PRKAR1B: variants seen among roughly 807,000 people sequenced by gnomAD.
PRKAR1B encodes protein kinase cAMP-dependent type I regulatory subunit beta, also known as cAMP-dependent protein kinase type I-beta regulatory subunit.
A neutral mutation model predicts 46.5 loss-of-function variants in PRKAR1B; 22 were observed. The ratio of observed to expected loss-of-function variants is 0.47; its 90% confidence interval spans 0.34 to 0.68. The LOEUF is 0.68. PRKAR1B is among the 30% of genes least tolerant of loss of function. The pLI is 0.01. For synonymous variants in PRKAR1B, 259 were observed against 217.7 expected, an observed-to-expected ratio of 1.19 and a Z score of -1.67; for missense variants, 445 against 535.6, an observed-to-expected ratio of 0.83 and a Z score of 1.67.
chr7:624,854 A>T (rs999746073), intron 4 of PRKAR1B, among the ~76,000 whole-genome samples: 2 of 152,232 alleles, frequency 1.3e-5, no homozygotes, highest in African/African-American at 4.8e-5. Context: ...ATACACAGGA[A>T]ATAAAAAAAG....
intron 4 of PRKAR1B, among the ~76,000 whole-genome samples, chr7:626,480 G>C (rs1783409825): frequency 6.6e-6 from 1 of 152,164 alleles, no homozygotes; most frequent in African/African-American, 2.4e-5. Flanking sequence ...GGATGACAGA[G>C]ACAGACCTTG....
At position 666,206 on chromosome 7, in the gene PRKAR1B, A is replaced by G. The variant is rs78682005; in HGVS notation, c.440+11023T>C. ...GATAGAACCCAAGGGCCTCCACCTC[A>G]CTCCCCAAGGCCTGGGACACACGCT... On this transcript the variant is annotated intron_variant, in intron 4 of 10. Transcript: ENST00000537384. The surrounding 1 kb of genome is among the most constrained non-coding windows in gnomAD (Gnocchi z 4.9). Among the ~76,000 whole-genome samples the G allele has an allele frequency of 0.093, 14,026 of 151,526 alleles. 1,800 individuals carry two copies. The highest frequency in any genetic ancestry group is 0.29 in the African/African-American group (11,816 of 41,066).
intron 2 of PRKAR1B, among the ~76,000 whole-genome samples, chr7:686,295 T>C (rs1247583984): frequency 6.7e-6 from 1 of 150,356 alleles, no homozygotes; most frequent in Non-Finnish European, 1.5e-5. Flanking sequence ...AGCGAGATTA[T>C]GTCTCAGAAA....
intron 2 of PRKAR1B, among the ~76,000 whole-genome samples, chr7:700,093 T>C (rs1037532902): frequency 1.3e-5 from 2 of 151,284 alleles, no homozygotes; most frequent in Non-Finnish European, 2.9e-5. Flanking sequence ...AAAATGGGGG[T>C]CCCCGAATTC....
chr7:703,529 G>A (rs770463141), intron 2 of PRKAR1B, among the ~76,000 whole-genome samples: 7 of 151,974 alleles, frequency 4.6e-5, no homozygotes, highest in South Asian at 2.1e-4. Context: ...GGTGGCAGAC[G>A]CCTGTAGTCC....
chr7:612,827 G>A (rs1371612139), intron 4 of PRKAR1B, among the ~76,000 whole-genome samples: 4 of 152,076 alleles, frequency 2.6e-5, no homozygotes. Context: ...GCCAGCAACA[G>A]AGGCTTTATT....
chr7:684,123 C>T (rs142482424), intron 2 of PRKAR1B, among the ~76,000 whole-genome samples: 8 of 150,770 alleles, frequency 5.3e-5, no homozygotes, highest in African/African-American at 1.2e-4. Flanking sequence ...CCCACCTCTA[C>T]GTGTGTGCTG....
chr7:647,063 G>A (rs1784652999), intron 4 of PRKAR1B, among the ~76,000 whole-genome samples: 1 of 152,176 alleles, frequency 6.6e-6, no homozygotes, highest in Non-Finnish European at 1.5e-5. Flanking sequence ...AAGGGGCATG[G>A]GACGCAACAT....
chr7:562,409 GC>G (rs1778859600), intron 9 of PRKAR1B, among the ~76,000 whole-genome samples: 1 of 152,130 alleles, frequency 6.6e-6, no homozygotes, highest in South Asian at 2.1e-4. Flanking sequence ...CTCCTCGTCT[GC>G]CCCCATTAGG....
At chr7:659,741 T>A (rs940982777) in intron 4 of PRKAR1B, among the ~76,000 whole-genome samples, 2 of 151,840 alleles carry the variant, frequency 1.3e-5, no homozygotes, top group Non-Finnish European at 2.9e-5. Flanking sequence ...TGAGACGGAG[T>A]CTCGCTCTGT....
At chr7:688,910 T>A (rs1779255219) in intron 2 of PRKAR1B, among the ~76,000 whole-genome samples, 2 of 152,186 alleles carry the variant, frequency 1.3e-5, no homozygotes, top group Admixed American at 1.3e-4. Context: ...ATACAGTAAA[T>A]GCTTAATACA....
intron 4 of PRKAR1B, among the ~76,000 whole-genome samples, chr7:616,825 C>T (rs561419856): frequency 2.1e-4 from 32 of 152,152 alleles, no homozygotes; most frequent in Non-Finnish European, 4.6e-4. Flanking sequence ...TGAATCCCAA[C>T]CTCATGTATT....
chr7:665,692 C>T (rs1239535182), intron 4 of PRKAR1B, among the ~76,000 whole-genome samples: 1 of 152,158 alleles, frequency 6.6e-6, no homozygotes, highest in Non-Finnish European at 1.5e-5. Context: ...TTTAATGTTG[C>T]CCGAAAGGGA....
chr7:598,873 G>C (rs1781432158), intron 6 of PRKAR1B, among the ~76,000 whole-genome samples: 1 of 152,254 alleles, frequency 6.6e-6, no homozygotes, highest in Non-Finnish European at 1.5e-5. Context: ...GGCTGCCCAG[G>C]CAAGTGGCAG....
chr7:715,538 A>G (rs927555109), intron 1 of PRKAR1B, among the ~76,000 whole-genome samples: 2 of 152,084 alleles, frequency 1.3e-5, no homozygotes, highest in Non-Finnish European at 2.9e-5. Flanking sequence ...AGTAAATCAC[A>G]TATCTTCCCA....
intron 2 of PRKAR1B, among the ~76,000 whole-genome samples, 167 bp downstream of exon 2, chr7:711,162 C>T (rs1213902233): frequency 6.6e-6 from 1 of 152,162 alleles, no homozygotes; most frequent in Non-Finnish European, 1.5e-5. Context: ...CGGTGGGCCC[C>T]AGGTCGGCCT....
At chr7:718,744 T>C (rs969156640) in intron 1 of PRKAR1B, among the ~76,000 whole-genome samples, 1 of 152,060 alleles carries the variant, frequency 6.6e-6, no homozygotes, top group African/African-American at 2.4e-5. Flanking sequence ...TCCTGGGACA[T>C]CTATTCAACA....
chr7:679,754 C>G (rs897433130), intron 3 of PRKAR1B, among the ~76,000 whole-genome samples: 1 of 152,122 alleles, frequency 6.6e-6, no homozygotes, highest in African/African-American at 2.4e-5. Context: ...CATATGGAAG[C>G]CCTAACCAGC....
In PRKAR1B at chr7:720,050, C is replaced by CTTT. The variant is rs34254216; in HGVS notation, c.-23+7157_-23+7159dup. 2.4e-3 allele frequency among the ~76,000 whole-genome samples: 219 copies of CTTT among 93,094 alleles called. 1 individual carries two copies. Among genetic ancestry groups the CTTT allele is most frequent in the Non-Finnish European group, 2.6e-3 (126 of 48,124 alleles). The allele number at this position is 93,094 out of a possible 152,430, so 61.1% of individuals were successfully genotyped here. A position where few individuals can be genotyped will look rare whatever the true frequency, so the allele number is the denominator to read the frequency against. On this transcript the variant is annotated intron_variant, in intron 1 of 10. Transcript: ENST00000537384. ...GTCAGAGAAGGCGTTCTGTGCAAGT[C>CTTT]TTTTTTTTTTTTTTTTTTTTTTTGA...
Sources: allele counts gnomAD v4.1 joint callset (sites outside exome capture counted in the v4.1 genomes callset), GRCh38; gene constraint gnomAD v4.1.1; non-coding constraint Gnocchi (gnomAD v3.1); transcripts MANE v1.5; gene names NCBI Gene and HGNC (gene_info 2026-07-23, HGNC 2026-07-21).